The following LINC01488 variants were observed in gnomAD, a reference collection of about 807,000 sequenced individuals.
LINC01488 encodes CCND1-upstream intergenic DNA repair 1.
intron 1 of LINC01488, among the ~76,000 whole-genome samples, chr11:69,484,671 C>T (rs906150044): frequency 2.0e-5 from 3 of 152,234 alleles, no homozygotes; most frequent in African/African-American, 7.2e-5. Context: ...CCAAGTGGGC[C>T]GGCCCTGTGT....
intron 1 of LINC01488, among the ~76,000 whole-genome samples, chr11:69,489,441 C>T (rs978928167): frequency 6.6e-6 from 1 of 152,236 alleles, no homozygotes; most frequent in African/African-American, 2.4e-5. Context: ...CAGTGTCCTC[C>T]CTGCCCTGGC....
chr11:69,482,246 A>T (rs1857054578), intron 1 of LINC01488, among the ~76,000 whole-genome samples: 1 of 152,206 alleles, frequency 6.6e-6, no homozygotes, highest in Admixed American at 6.5e-5. Flanking sequence ...AAACCATCAG[A>T]TCTCATGAGA....
chr11:69,488,619 A>C (rs572604800), intron 1 of LINC01488, among the ~76,000 whole-genome samples: 1 of 152,316 alleles, frequency 6.6e-6, no homozygotes, highest in South Asian at 2.1e-4. Context: ...CACACAATGG[A>C]ACGTTGTGCC....
At chr11:69,488,810 G>A (rs191843965) in intron 1 of LINC01488, among the ~76,000 whole-genome samples, 172 of 152,306 alleles carry the variant, frequency 1.1e-3, no homozygotes, top group African/African-American at 3.9e-3. Context: ...GCAAAGGGCC[G>A]ATTTGAGTGC....
rs1249108856 is a variant in LINC01488, at chr11:69,483,570, G to A, written n.122+1787G>A. Among the ~76,000 whole-genome samples, 6 of 152,266 alleles carry A rather than the reference G, an allele frequency of 3.9e-5. No homozygotes were observed. In the East Asian group the frequency reaches 7.7e-4, roughly 20 times the overall value. On this transcript the variant is annotated intron_variant and non_coding_transcript_variant, in intron 1 of 3. Transcript: ENST00000644563. The stretch of plus-strand genomic sequence containing the variant: ...GGTAGGCTGAAGGTAGAACAGCGTC[G>A]GGACTTGTCTGTGACCCGGGCTCAG...
exon 4 of LINC01488, chr11:69,492,702 G>C (rs1308108854): frequency 2.6e-5 from 4 of 152,252 alleles, no homozygotes; most frequent in African/African-American, 4.8e-5. Flanking sequence ...GAGATAACAC[G>C]TGTGCTGTTT....
chr11:69,483,423 C>G (rs187701435), intron 1 of LINC01488, among the ~76,000 whole-genome samples: 157 of 152,280 alleles, frequency 1.0e-3, no homozygotes, highest in African/African-American at 3.6e-3. Context: ...TCATGATATG[C>G]CCTACCTCAT....
At chr11:69,486,571 C>T (rs181441863) in intron 1 of LINC01488, among the ~76,000 whole-genome samples, 24 of 152,344 alleles carry the variant, frequency 1.6e-4, no homozygotes, top group African/African-American at 5.8e-4. Context: ...GCCAGGGAAG[C>T]TGGAGGAGCA....
intron 1 of LINC01488, among the ~76,000 whole-genome samples, chr11:69,488,943 G>A (rs1857169765): frequency 6.6e-6 from 1 of 152,208 alleles, no homozygotes; most frequent in Non-Finnish European, 1.5e-5. Flanking sequence ...CCCACAGTGG[G>A]GCCAAAGCCA....
chr11:69,484,400 C>A (rs1001510022), intron 1 of LINC01488, among the ~76,000 whole-genome samples: 6 of 152,304 alleles, frequency 3.9e-5, no homozygotes, highest in Non-Finnish European at 7.4e-5. Context: ...CCCAGAGCCC[C>A]ATGCACCTGC....
chr11:69,487,580 T>C (rs1857145440), intron 1 of LINC01488, among the ~76,000 whole-genome samples: 1 of 152,200 alleles, frequency 6.6e-6, no homozygotes, highest in African/African-American at 2.4e-5. Flanking sequence ...CTTGGGGTCC[T>C]GTTCCCCGTC....
chr11:69,484,397 C>T (rs904893896), intron 1 of LINC01488, among the ~76,000 whole-genome samples: 12 of 152,174 alleles, frequency 7.9e-5, no homozygotes, highest in Admixed American at 7.2e-4. Context: ...GGGCCCAGAG[C>T]CCCATGCACC....
At chr11:69,487,651 A>C (rs538635498) in intron 1 of LINC01488, among the ~76,000 whole-genome samples, 2 of 152,060 alleles carry the variant, frequency 1.3e-5, no homozygotes, top group African/African-American at 4.8e-5. Flanking sequence ...TTCTAGTTTT[A>C]AGGGGACCAG....
At chr11:69,487,509 C>A (rs1857144184) in intron 1 of LINC01488, among the ~76,000 whole-genome samples, 1 of 152,224 alleles carries the variant, frequency 6.6e-6, no homozygotes, top group South Asian at 2.1e-4. Flanking sequence ...TAGGTTTGGC[C>A]TCCGCCCTGT....
intron 1 of LINC01488, among the ~76,000 whole-genome samples, chr11:69,483,721 G>A (rs537970354): frequency 6.6e-6 from 1 of 152,258 alleles, no homozygotes; most frequent in South Asian, 2.1e-4. Flanking sequence ...GCATATGAGA[G>A]AGAAATGCAG....
At chr11:69,482,240 C>T (rs952932065) in intron 1 of LINC01488, among the ~76,000 whole-genome samples, 1 of 152,144 alleles carries the variant, frequency 6.6e-6, no homozygotes, top group African/African-American at 2.4e-5. Flanking sequence ...TTTATAAAAC[C>T]ATCAGATCTC....
At chr11:69,485,094 G>A (rs1042817062) in intron 1 of LINC01488, among the ~76,000 whole-genome samples, 3 of 152,188 alleles carry the variant, frequency 2.0e-5, no homozygotes, top group African/African-American at 7.2e-5. Flanking sequence ...GAAGTGGGGG[G>A]CGGGGTGGAG....
intron 1 of LINC01488, among the ~76,000 whole-genome samples, chr11:69,489,266 C>A (rs940745501): frequency 1.3e-5 from 2 of 152,098 alleles, no homozygotes; most frequent in South Asian, 4.2e-4. Flanking sequence ...ACCTGCTCCC[C>A]ACTTGGAGCT....
At chr11:69,492,853 G>A (rs1857245179) in exon 4 of LINC01488, 1 of 152,374 alleles carries the variant, frequency 6.6e-6, no homozygotes, top group Non-Finnish European at 1.5e-5. Context: ...ACGCAGCATG[G>A]AGATGAAAGA....
Sources: allele counts gnomAD v4.1 joint callset (sites outside exome capture counted in the v4.1 genomes callset), GRCh38; gene constraint gnomAD v4.1.1; transcripts MANE v1.5; gene names NCBI Gene and HGNC (gene_info 2026-07-23, HGNC 2026-07-21).